TMC1: variants seen among roughly 807,000 people sequenced by gnomAD.
TMC1 encodes transmembrane channel-like protein 1.
In TMC1, 84 loss-of-function variants were observed where a neutral mutation model predicts 105.8. That is an observed-to-expected ratio of 0.79 (90% confidence interval 0.67 to 0.95). TMC1 has a LOEUF of 0.95. Ranked by LOEUF, TMC1 falls within the 40% of genes least tolerant of loss-of-function variation. The pLI is 0.00. For synonymous variants in TMC1, 315 were observed against 311.5 expected (o/e 1.01, Z -0.12); for missense variants, 817 against 914.1 (o/e 0.89, Z 1.37).
At chr9:72,822,550 G>GTA (rs1236091586) in intron 20 of TMC1, among the ~76,000 whole-genome samples, 1 of 151,502 alleles carries the variant, frequency 6.6e-6, no homozygotes, top group Non-Finnish European at 1.5e-5. Context: ...GTGTGTGTGT[G>GTA]TGTGTGTGTG....
Position 72,727,480 on chromosome 9 carries a change from C to T in TMC1, c.363-12639C>T, listed in dbSNP as rs150003595. ...ATAGAAATAAAATGAATTTGTTTAT[C>T]AGCCAGAATTTTGGGTGGGTCCTCC... On this transcript the variant is annotated intron_variant, in intron 8 of 23. Coordinates refer to ENST00000297784, the MANE Select transcript of TMC1 (RefSeq NM_138691.3). Among the ~76,000 whole-genome samples, 433 of 152,238 alleles carry T rather than the reference C, an allele frequency of 2.8e-3. 1 individual carries two copies. Among genetic ancestry groups the T allele is most frequent in the African/African-American group, 0.01 (421 of 41,556 alleles).
intron 9 of TMC1, among the ~76,000 whole-genome samples, chr9:72,742,120 A>T (rs952260578): frequency 1.3e-5 from 2 of 152,044 alleles, no homozygotes; most frequent in African/African-American, 4.8e-5. Context: ...TTAAACACAT[A>T]CTCTGTTCCA....
Position 72,571,542 on chromosome 9 carries a change from G to A in TMC1, c.-427-6360G>A, listed in dbSNP as rs574468491. Among the ~76,000 whole-genome samples the A allele has an allele frequency of 7.6e-4, 114 of 150,390 alleles. 1 individual carries two copies. The South Asian group carries it at 0.011, about 14-fold the overall frequency. On this transcript the variant is annotated intron_variant, in intron 1 of 23. Coordinates refer to ENST00000297784, the MANE Select transcript of TMC1 (RefSeq NM_138691.3). ...GGCTCACTGCACCTCCACCTCCTGGGTTCAAGTGATTCTCCTGCCTCAGCC... is the reference window on the plus strand; with the variant it reads ...GGCTCACTGCACCTCCACCTCCTGGATTCAAGTGATTCTCCTGCCTCAGCC...
chr9:72,534,241 G>T (rs1823542304), intron 1 of TMC1, among the ~76,000 whole-genome samples: 1 of 152,182 alleles, frequency 6.6e-6, no homozygotes, highest in African/African-American at 2.4e-5. Context: ...GCTGTCTCTT[G>T]TTCTCTCTCT....
At chr9:72,791,641 A>G (rs1828268438) in intron 15 of TMC1, among the ~76,000 whole-genome samples, 1 of 152,236 alleles carries the variant, frequency 6.6e-6, no homozygotes, top group Non-Finnish European at 1.5e-5. Flanking sequence ...CCTTCACTAT[A>G]CCAGGAAACA....
chr9:72,754,173 CCT>C (rs1187551036), intron 11 of TMC1, among the ~76,000 whole-genome samples: 4 of 152,080 alleles, frequency 2.6e-5, no homozygotes, highest in African/African-American at 9.7e-5. Context: ...CTATTCTTGC[CCT>C]CTCACTGGCC....
At chr9:72,592,862 C>G (rs567410141) in intron 2 of TMC1, among the ~76,000 whole-genome samples, 181 of 152,266 alleles carry the variant, frequency 1.2e-3, no homozygotes, top group African/African-American at 4.3e-3. Flanking sequence ...CTTTGTGAAG[C>G]AGTTGTTGGT....
chr9:72,712,669 T>C (rs1336551322), intron 8 of TMC1, among the ~76,000 whole-genome samples: 1 of 152,188 alleles, frequency 6.6e-6, no homozygotes, highest in Non-Finnish European at 1.5e-5. Flanking sequence ...GATTTTGGGC[T>C]GAGACAATGG....
intron 15 of TMC1, among the ~76,000 whole-genome samples, chr9:72,790,995 T>C (rs1828257911): frequency 6.6e-6 from 1 of 152,168 alleles, no homozygotes; most frequent in African/African-American, 2.4e-5. Context: ...TGGTGACAGT[T>C]TGAGCCGGGT....
chr9:72,782,666 A>G (rs984618049), intron 13 of TMC1, among the ~76,000 whole-genome samples: 1 of 152,198 alleles, frequency 6.6e-6, no homozygotes, highest in African/African-American at 2.4e-5. Flanking sequence ...TCCAAGCCAA[A>G]CCAGGAATGC....
At chr9:72,728,359 T>C (rs1048968211) in intron 8 of TMC1, among the ~76,000 whole-genome samples, 1 of 152,176 alleles carries the variant, frequency 6.6e-6, no homozygotes, top group Admixed American at 6.5e-5. Context: ...TCTTGACTGA[T>C]AAGTCTGGAA....
intron 13 of TMC1, among the ~76,000 whole-genome samples, chr9:72,782,469 G>A (rs1828109121): frequency 6.6e-6 from 1 of 152,068 alleles, no homozygotes; most frequent in South Asian, 2.1e-4. Context: ...GAGCAATTAG[G>A]CAAGAGAAAG....
At chr9:72,759,619 C>T (rs1464725433) in intron 12 of TMC1, among the ~76,000 whole-genome samples, 1 of 152,144 alleles carries the variant, frequency 6.6e-6, no homozygotes, top group African/African-American at 2.4e-5. Flanking sequence ...ACATCTCTGT[C>T]TGACTCTGAA....
chr9:72,656,078 A>G (rs1825880281), intron 5 of TMC1: 1 of 702,260 alleles, frequency 1.4e-6, no homozygotes, highest in South Asian at 1.4e-5. Flanking sequence ...CCTCTGATCA[A>G]GTCAGCACAC....
intron 6 of TMC1, 120 bp from the exon 7 acceptor site, chr9:72,694,423 G>C: frequency 2.5e-6 from 2 of 813,882 alleles, no homozygotes; most frequent in African/African-American, 3.4e-5. Context: ...ATCACGATGT[G>C]GAGAATTGCT....
chr9:72,760,148 A>G (rs1378772614), intron 12 of TMC1, among the ~76,000 whole-genome samples: 1 of 152,090 alleles, frequency 6.6e-6, no homozygotes, highest in African/African-American at 2.4e-5. Flanking sequence ...AATTGTTATT[A>G]TTAATTTTGC....
At chr9:72,728,503 C>T (rs978422252) in intron 8 of TMC1, among the ~76,000 whole-genome samples, 22 of 152,114 alleles carry the variant, frequency 1.4e-4, no homozygotes, top group African/African-American at 4.8e-4. Context: ...TTCTTGATTG[C>T]TTTCATCTTG....
At chr9:72,570,671 A>G (rs978264520) in intron 1 of TMC1, among the ~76,000 whole-genome samples, 2 of 127,188 alleles carry the variant, frequency 1.6e-5, no homozygotes, top group African/African-American at 5.8e-5. Context: ...ACTTTGCCAA[A>G]TTTCCTTTTT....
intron 1 of TMC1, among the ~76,000 whole-genome samples, chr9:72,538,705 C>T (rs1185813918): frequency 6.6e-6 from 1 of 152,142 alleles, no homozygotes. Flanking sequence ...TCCCAAAGTG[C>T]TGGGATTACT....
Sources: allele counts gnomAD v4.1 joint callset (sites outside exome capture counted in the v4.1 genomes callset), GRCh38; gene constraint gnomAD v4.1.1; transcripts MANE v1.5; gene names NCBI Gene and HGNC (gene_info 2026-07-23, HGNC 2026-07-21).